Variants in EFNA5 observed in about 807,000 individuals in gnomAD.
EFNA5 encodes the protein ephrin-A5.
In EFNA5, 5 loss-of-function variants were observed where a neutral mutation model predicts 22.9. That is an observed-to-expected ratio of 0.22 (90% CI 0.11 to 0.46). The LOEUF is 0.46. Among genes scored for constraint, EFNA5 ranks in the 20% least tolerant of loss-of-function variants. The probability of loss-of-function intolerance (pLI) is 0.99; values close to 1 mark genes in which losing one functional copy is unlikely to be tolerated. For missense variants in EFNA5, 237 were observed against 293.3 expected (o/e 0.81, Z 1.40); for synonymous variants, 113 against 112.2 (o/e 1.01, Z -0.04).
chr5:107,565,553 T>A (rs1748647846), intron 1 of EFNA5, among the ~76,000 whole-genome samples: 1 of 152,224 alleles, frequency 6.6e-6, no homozygotes, highest in Non-Finnish European at 1.5e-5. Context: ...GCTCCTACAT[T>A]ATGTTTTCAT....
intron 1 of EFNA5, among the ~76,000 whole-genome samples, chr5:107,534,228 C>T (rs1747883164): frequency 6.6e-6 from 1 of 152,144 alleles, no homozygotes; most frequent in Non-Finnish European, 1.5e-5. Context: ...TCTTGACTTT[C>T]ACCGTAAATA....
In EFNA5 at chr5:107,455,583, G is replaced by A. The variant is rs1182034714; in HGVS notation, c.126-28074C>T. Among the ~76,000 whole-genome samples, 6 of 152,282 alleles carry A rather than the reference G, an allele frequency of 3.9e-5. No individual in the cohort carries two copies. The South Asian group carries it at 6.2e-4, about 16-fold the overall frequency. ...TTCCTTTGCAAATCTTCAGTTGAGG[G>A]AAGAAGACCTTCAGAAGTGAGTGTT... On this transcript the variant is annotated intron_variant, in intron 1 of 4. Coordinates refer to ENST00000333274, the MANE Select transcript of EFNA5 (RefSeq NM_001962.3).
intron 1 of EFNA5, among the ~76,000 whole-genome samples, chr5:107,496,350 A>C (rs1259333704): frequency 1.3e-5 from 2 of 149,676 alleles, no homozygotes; most frequent in African/African-American, 2.5e-5. Context: ...AAAAAAAAAA[A>C]AAACAAAAAA....
At chr5:107,414,022 C>T (rs1748440687) in intron 2 of EFNA5, among the ~76,000 whole-genome samples, 1 of 152,150 alleles carries the variant, frequency 6.6e-6, no homozygotes, top group African/African-American at 2.4e-5. Context: ...CCTCTAGTAC[C>T]CACTTCTTTC....
intron 1 of EFNA5, among the ~76,000 whole-genome samples, chr5:107,627,944 A>T (rs1750175993): frequency 6.6e-6 from 1 of 152,232 alleles, no homozygotes; most frequent in African/African-American, 2.4e-5. Flanking sequence ...TTACTCAATG[A>T]GAATGAATTA....
intron 1 of EFNA5, among the ~76,000 whole-genome samples, chr5:107,546,621 G>C (rs966607710): frequency 6.6e-6 from 1 of 151,480 alleles, no homozygotes; most frequent in South Asian, 2.1e-4. Flanking sequence ...TCAATGGCTT[G>C]TCAGAGTTGA....
intron 1 of EFNA5, among the ~76,000 whole-genome samples, chr5:107,547,399 T>C (rs1285585536): frequency 6.6e-6 from 1 of 152,134 alleles, no homozygotes; most frequent in Non-Finnish European, 1.5e-5. Context: ...AACAGAAACC[T>C]CTGGGACCAC....
intron 1 of EFNA5, among the ~76,000 whole-genome samples, chr5:107,495,066 A>G (rs1335431991): frequency 6.6e-6 from 1 of 152,170 alleles, no homozygotes; most frequent in Non-Finnish European, 1.5e-5. Context: ...GTGGGGCCAC[A>G]TAAGAGAATA....
rs145458181 is a variant in EFNA5, at chr5:107,583,606, C to T, written c.125+86883G>A. ...TGGGCCCATCCCTTTGGAGCATCTG[C>T]GTGGGTTACACTATGGCTAGGGAGC... On this transcript the variant is annotated intron_variant, in intron 1 of 4. Coordinates refer to ENST00000333274, the MANE Select transcript of EFNA5 (RefSeq NM_001962.3). Among the ~76,000 whole-genome samples, 896 of 152,154 alleles carry T rather than the reference C, an allele frequency of 5.9e-3. 9 individuals carry two copies. Among genetic ancestry groups the T allele is most frequent in the African/African-American group, 0.021 (865 of 41,508 alleles).
chr5:107,460,089 T>C (rs74506287), intron 1 of EFNA5, among the ~76,000 whole-genome samples: 2,888 of 152,224 alleles, frequency 0.019, 88 homozygotes, highest in African/African-American at 0.066. Flanking sequence ...CTGTAGCCAA[T>C]AAGGAATTCC....
At chr5:107,537,847 G>A (rs965835762) in intron 1 of EFNA5, among the ~76,000 whole-genome samples, 43 of 152,134 alleles carry the variant, frequency 2.8e-4, no homozygotes, top group Non-Finnish European at 2.4e-4. Flanking sequence ...AACTATGGTC[G>A]TGAGACCTCA....
intron 1 of EFNA5, among the ~76,000 whole-genome samples, chr5:107,471,412 A>G (rs1429591736): frequency 6.6e-6 from 1 of 152,108 alleles, no homozygotes. Flanking sequence ...ACTGCACAGG[A>G]CTGAGGATAT....
chr5:107,613,480 A>C (rs352614), intron 1 of EFNA5, among the ~76,000 whole-genome samples: 108,639 of 151,882 alleles, frequency 0.72, 39,440 homozygotes, highest in Non-Finnish European at 0.79. Flanking sequence ...GATGGCATAG[A>C]ATGACCCTTG....
intron 1 of EFNA5, among the ~76,000 whole-genome samples, chr5:107,605,002 G>C (rs1307932335): frequency 6.6e-6 from 1 of 152,084 alleles, no homozygotes; most frequent in African/African-American, 2.4e-5. Context: ...AAAGACAGTG[G>C]CCTAAACTAG....
intron 1 of EFNA5, 45 bp downstream of exon 1, chr5:107,670,444 C>T: frequency 6.5e-7 from 1 of 1,528,480 alleles, no homozygotes; most frequent in Non-Finnish European, 8.8e-7. Context: ...TCCGCAGGGC[C>T]CCGAGGCCCG....
At chr5:107,427,662 A>G in intron 1 of EFNA5, 153 bp from the exon 2 acceptor site, 1 of 647,762 alleles carries the variant, frequency 1.5e-6, no homozygotes, top group Non-Finnish European at 2.4e-6. Context: ...ATGGTTTGAA[A>G]TGTTGCAGTT....
At chr5:107,513,643 T>G (rs1747420189) in intron 1 of EFNA5, among the ~76,000 whole-genome samples, 1 of 151,948 alleles carries the variant, frequency 6.6e-6, no homozygotes, top group South Asian at 2.1e-4. Flanking sequence ...ACATGACGGG[T>G]GCTGTGGGGC....
intron 1 of EFNA5, among the ~76,000 whole-genome samples, chr5:107,650,068 C>CGG (rs755743845): frequency 6.6e-6 from 1 of 152,086 alleles, no homozygotes; most frequent in Non-Finnish European, 1.5e-5. Flanking sequence ...GTAATGGGAA[C>CGG]ACATGCAAAA....
Position 107,670,577 on chromosome 5 carries a change from C to T in EFNA5, c.37G>A (p.Val13Met). 1 of 1,602,708 alleles carries T rather than the reference C, an allele frequency of 6.2e-7. No individual in the cohort carries two copies. ...TGGCTGAACACACACATCCAGAGCA[C>T]CAGAAACACCAGCGTCAACATCTCC... ...HVEMLTLVFL[V>M]LWMCVFSQDP... The change falls in exon 1 of 5, where the codon GTG becomes ATG. Residue 13 changes from valine to methionine, a missense_variant. Physicochemically the swap from Val to Met is conservative, Grantham distance 21 (BLOSUM62 1). Transcript: ENST00000333274.
Sources: allele counts gnomAD v4.1 joint callset (sites outside exome capture counted in the v4.1 genomes callset), GRCh38; gene constraint gnomAD v4.1.1; transcripts MANE v1.5; gene names NCBI Gene and HGNC (gene_info 2026-07-23, HGNC 2026-07-21).